EYA1: variants seen among roughly 807,000 people sequenced by gnomAD.
EYA1 encodes the protein EYA transcriptional coactivator and phosphatase 1, also known as protein phosphatase EYA1.
EYA1 carries 16 observed loss-of-function variants against 82.0 expected under a neutral mutation model. The ratio of observed to expected loss-of-function variants is 0.20; its 90% CI spans 0.13 to 0.30. The LOEUF (loss-of-function observed/expected upper bound fraction) is 0.30. EYA1 is among the 10% of genes least tolerant of loss of function. The pLI is 1.00. For synonymous variants in EYA1, 261 were observed against 264.4 expected (o/e 0.99, Z 0.12); for missense variants, 633 against 730.7 (o/e 0.87, Z 1.54).
intron 2 of EYA1, among the ~76,000 whole-genome samples, chr8:71,448,198 G>A (rs115350450): frequency 6.6e-6 from 1 of 151,712 alleles, no homozygotes. Context: ...ATGCACAATA[G>A]GACTTCTCGC....
At chr8:71,337,417 A>C (rs1461461622) in intron 3 of EYA1, among the ~76,000 whole-genome samples, 1 of 152,070 alleles carries the variant, frequency 6.6e-6, no homozygotes, top group Non-Finnish European at 1.5e-5. Flanking sequence ...ATATTCAAAA[A>C]TTCCCTTTTA....
chr8:71,244,220 T>C (rs1289351654), intron 12 of EYA1, among the ~76,000 whole-genome samples: 3 of 152,158 alleles, frequency 2.0e-5, no homozygotes, highest in Non-Finnish European at 4.4e-5. Context: ...TCGGTCCTAA[T>C]ACAGTAAGAG....
At chr8:71,395,825 T>C (rs1829570838) in intron 2 of EYA1, among the ~76,000 whole-genome samples, 1 of 152,170 alleles carries the variant, frequency 6.6e-6, no homozygotes, top group Admixed American at 6.5e-5. Flanking sequence ...TAGGGAGTAT[T>C]CCCTCTTTTT....
upstream of EYA1, among the ~76,000 whole-genome samples, chr8:71,363,397 T>C (rs1018183288): frequency 6.6e-6 from 1 of 152,136 alleles, no homozygotes; most frequent in Non-Finnish European, 1.5e-5. Context: ...TATGCCAATC[T>C]GAATTCCTCA....
rs545978708 is a variant in EYA1 at position 71,221,348 on chromosome 8, C to T, written c.1141-4325G>A. Among the ~76,000 whole-genome samples the T allele has an allele frequency of 6.6e-5, 10 of 152,070 alleles. No homozygotes were observed. In the South Asian group the frequency reaches 1.0e-3, roughly 16 times the overall value. ...GGGCGGGGAAGGTACAAAGGAACCC[C>T]GGGGGCTTAGTGACCAGGCCTCAGA... On this transcript the variant is annotated intron_variant, in intron 12 of 17. Transcript: ENST00000340726.
At chr8:71,491,799 G>T (rs181557261) in intron 2 of EYA1, among the ~76,000 whole-genome samples, 4 of 152,250 alleles carry the variant, frequency 2.6e-5, no homozygotes, top group Admixed American at 2.6e-4. Flanking sequence ...GTTATGCGGT[G>T]GTTACTAACA....
chr8:71,545,673 T>C (rs112883868), intron 1 of EYA1, among the ~76,000 whole-genome samples: 1,817 of 151,674 alleles, frequency 0.012, 42 homozygotes, highest in African/African-American at 0.041. Context: ...GCCATTCTCT[T>C]GCCTCAGCCT....
intron 2 of EYA1, among the ~76,000 whole-genome samples, chr8:71,390,162 T>C (rs1253206109): frequency 6.6e-6 from 1 of 152,176 alleles, no homozygotes; most frequent in East Asian, 1.9e-4. Flanking sequence ...TTGGTTATGG[T>C]GTGTTCTTCT....
At chr8:71,242,773 CT>C (rs35413533) in intron 12 of EYA1, among the ~76,000 whole-genome samples, 31,770 of 117,478 alleles carry the variant, frequency 0.27, 2,735 homozygotes, top group Non-Finnish European at 0.3. Flanking sequence ...AGTTTTGGCA[CT>C]TTTTTTTTTT....
chr8:71,511,558 G>C (rs1323453470), intron 2 of EYA1, among the ~76,000 whole-genome samples: 1 of 152,140 alleles, frequency 6.6e-6, no homozygotes, highest in Non-Finnish European at 1.5e-5. Context: ...AAGACTAGCA[G>C]GGCATTCCAG....
intron 2 of EYA1, among the ~76,000 whole-genome samples, chr8:71,501,209 T>C (rs1811784642): frequency 6.6e-6 from 1 of 152,144 alleles, no homozygotes; most frequent in South Asian, 2.1e-4. Flanking sequence ...AAGAGACTAG[T>C]CCAGAATATG....
At position 71,215,333 on chromosome 8, in the gene EYA1, T is replaced by C. The variant is rs1026537102; in HGVS notation, c.1597+54A>G. On this transcript the variant is annotated intron_variant, in intron 16 of 17. Transcript: ENST00000340726. ...AGTTTCATTTATTGCCTTTCGTTTTTATTATCCTGAAGGAAAAGAGCTGAT... is the reference window on the plus strand; with the variant it reads ...AGTTTCATTTATTGCCTTTCGTTTTCATTATCCTGAAGGAAAAGAGCTGAT... 4 of 1,579,870 alleles carry C rather than the reference T, an allele frequency of 2.5e-6. No individual in the cohort carries two copies. The African/African-American group carries it at 5.4e-5, about 21-fold the overall frequency.
In EYA1 at chr8:71,535,634, T is replaced by C; in HGVS notation, c.33+110A>G. The C allele has an allele frequency of 4.0e-6, 3 of 747,068 alleles. No homozygotes were observed. In the Admixed American group the frequency reaches 8.1e-5, roughly 20 times the overall value. 46.3% of individuals were successfully genotyped at this position (747,068 alleles called of 1,614,324 possible). A position where few individuals can be genotyped will look rare whatever the true frequency, so the allele number is the denominator to read the frequency against. On this transcript the variant is annotated intron_variant, in intron 2 of 18. Coordinates refer to the EYA1 transcript ENST00000643681. ...TTCAAAATCATTAAAAATTGGTACA[T>C]TGGTACAGAGCTTTTGACAATCTTC...
At chr8:71,476,066 A>G (rs1254270601) in intron 2 of EYA1, among the ~76,000 whole-genome samples, 1 of 152,156 alleles carries the variant, frequency 6.6e-6, no homozygotes, top group African/African-American at 2.4e-5. Flanking sequence ...TGAATGAACT[A>G]GCATGGGCTT....
intron 2 of EYA1, among the ~76,000 whole-genome samples, chr8:71,528,355 G>A (rs927100338): frequency 3.9e-5 from 6 of 152,154 alleles, no homozygotes; most frequent in African/African-American, 1.4e-4. Flanking sequence ...GTTTGGCCCT[G>A]GAAATATAAA....
chr8:71,424,709 TC>T, intron 2 of EYA1, among the ~76,000 whole-genome samples: 1 of 152,212 alleles, frequency 6.6e-6, no homozygotes. Context: ...CAATGCTATT[TC>T]CCCTTGAACT....
intron 2 of EYA1, among the ~76,000 whole-genome samples, chr8:71,519,943 T>C (rs188457401): frequency 4.7e-4 from 72 of 152,328 alleles, no homozygotes; most frequent in Admixed American, 3.7e-3. Context: ...TAAATGGTGA[T>C]AAAATCTAAT....
intron 2 of EYA1, among the ~76,000 whole-genome samples, chr8:71,492,017 T>A (rs1020154191): frequency 6.6e-6 from 1 of 152,192 alleles, no homozygotes; most frequent in Non-Finnish European, 1.5e-5. Context: ...TCACTCTAGA[T>A]GGCAACCATC....
intron 2 of EYA1, among the ~76,000 whole-genome samples, chr8:71,447,235 A>G (rs890383319): frequency 6.6e-6 from 1 of 152,030 alleles, no homozygotes; most frequent in African/African-American, 2.4e-5. Context: ...TAATCAATCC[A>G]AATACATCTT....
Sources: allele counts gnomAD v4.1 joint callset (sites outside exome capture counted in the v4.1 genomes callset), GRCh38; gene constraint gnomAD v4.1.1; transcripts MANE v1.5; gene names NCBI Gene and HGNC (gene_info 2026-07-23, HGNC 2026-07-21).